ARHGAP15: variants seen among roughly 807,000 people sequenced by gnomAD.
ARHGAP15 encodes the protein Rho GTPase activating protein 15.
ARHGAP15 carries 51 observed loss-of-function variants against 63.7 expected under a neutral mutation model. The ratio of observed to expected loss-of-function variants is 0.80; its 90% confidence interval spans 0.64 to 1.01. ARHGAP15 has a LOEUF of 1.01. ARHGAP15 is among the 50% of genes least tolerant of loss of function. ARHGAP15 has a pLI of 0.00. For synonymous variants in ARHGAP15, 191 were observed against 193.8 expected, an observed-to-expected ratio of 0.99 and a Z score of 0.12; for missense variants, 560 against 564.6, an observed-to-expected ratio of 0.99 and a Z score of 0.08.
At chr2:143,606,662 T>C (rs1454583184) in intron 11 of ARHGAP15, 1 of 152,206 alleles carries the variant, frequency 6.6e-6, no homozygotes, top group Non-Finnish European at 1.5e-5. Context: ...CATGCAACCA[T>C]AAAGCCTGTG....
At chr2:143,416,263 A>G (rs953214832) in intron 6 of ARHGAP15, among the ~76,000 whole-genome samples, 1 of 152,070 alleles carries the variant, frequency 6.6e-6, no homozygotes, top group Non-Finnish European at 1.5e-5. Flanking sequence ...TAAAAAAACA[A>G]AAACAAAGGG....
intron 6 of ARHGAP15, among the ~76,000 whole-genome samples, chr2:143,333,136 C>G (rs934291552): frequency 2.0e-5 from 3 of 152,086 alleles, no homozygotes; most frequent in Admixed American, 6.6e-5. Context: ...CTTGGGCAAT[C>G]CTTTGTGAAT....
chr2:143,335,725 A>C (rs1223677665), intron 6 of ARHGAP15, among the ~76,000 whole-genome samples: 2 of 152,166 alleles, frequency 1.3e-5, no homozygotes, highest in African/African-American at 4.8e-5. Flanking sequence ...TCAGTGTTTT[A>C]AGCTGTCAGA....
intron 8 of ARHGAP15, among the ~76,000 whole-genome samples, chr2:143,464,331 A>G (rs2105168022): frequency 6.6e-6 from 1 of 152,322 alleles, no homozygotes; most frequent in South Asian, 2.1e-4. Flanking sequence ...TAAAGTAGAT[A>G]TAACTTGATA....
intron 6 of ARHGAP15, among the ~76,000 whole-genome samples, chr2:143,306,780 T>C (rs1051003611): frequency 6.6e-6 from 1 of 152,122 alleles, no homozygotes; most frequent in African/African-American, 2.4e-5. Flanking sequence ...CTCTCACTTT[T>C]TCCATCCCTT....
chr2:143,261,505 ATTT>A (rs35112145), intron 6 of ARHGAP15, among the ~76,000 whole-genome samples: 1 of 141,992 alleles, frequency 7.0e-6, no homozygotes, highest in East Asian at 2.1e-4. Flanking sequence ...CACCCGGCTA[ATTT>A]TTTTTTTTTT....
intron 6 of ARHGAP15, among the ~76,000 whole-genome samples, chr2:143,284,364 T>A (rs947684832): frequency 6.6e-6 from 1 of 152,220 alleles, no homozygotes; most frequent in Admixed American, 6.5e-5. Context: ...AATTTTATAG[T>A]GAAATTTATC....
intron 11 of ARHGAP15, among the ~76,000 whole-genome samples, chr2:143,590,433 T>C (rs548205847): frequency 7.2e-5 from 11 of 152,188 alleles, no homozygotes; most frequent in African/African-American, 2.7e-4. Context: ...GACGCCATGA[T>C]AGGAGTTTAA....
intron 11 of ARHGAP15, among the ~76,000 whole-genome samples, chr2:143,573,559 GTTGT>G (rs926028358): frequency 1.5e-3 from 232 of 152,290 alleles, no homozygotes; most frequent in African/African-American, 5.3e-3. Context: ...TGTCTGTGCA[GTTGT>G]TTAACAAGGA....
At chr2:143,579,345 T>C (rs1253662829) in intron 11 of ARHGAP15, among the ~76,000 whole-genome samples, 2 of 152,190 alleles carry the variant, frequency 1.3e-5, no homozygotes, top group Non-Finnish European at 2.9e-5. Context: ...GGAGAACACT[T>C]GTAGCTGGCT....
chr2:143,277,970 A>G (rs940853572), intron 6 of ARHGAP15, among the ~76,000 whole-genome samples: 1 of 152,174 alleles, frequency 6.6e-6, no homozygotes, highest in South Asian at 2.1e-4. Flanking sequence ...CTGAGACTCT[A>G]GCAGAAGTAA....
intron 6 of ARHGAP15, among the ~76,000 whole-genome samples, chr2:143,253,083 G>C (rs1680236449): frequency 6.6e-6 from 1 of 152,014 alleles, no homozygotes; most frequent in African/African-American, 2.4e-5. Flanking sequence ...TTTGAATTAG[G>C]CTTGGTGTTC....
intron 2 of ARHGAP15, among the ~76,000 whole-genome samples, chr2:143,193,037 A>C (rs930125430): frequency 6.6e-6 from 1 of 152,112 alleles, no homozygotes; most frequent in South Asian, 2.1e-4. Context: ...CTTTCATCTT[A>C]CTGTTGGTGG....
At chr2:143,765,146 T>TGTGTGTGTGTGTGTGTGTGG (rs1491030307) in intron 13 of ARHGAP15, among the ~76,000 whole-genome samples, 1 of 147,194 alleles carries the variant, frequency 6.8e-6, no homozygotes, top group African/African-American at 2.5e-5. Context: ...TGTGTGTGTG[T>TGTGTGTGTGTGTGTGTGTGG]GGTAAAATTA....
intron 6 of ARHGAP15, among the ~76,000 whole-genome samples, chr2:143,356,581 A>G (rs1685818980): frequency 6.6e-6 from 1 of 152,028 alleles, no homozygotes; most frequent in Non-Finnish European, 1.5e-5. Context: ...GATTAAAGGG[A>G]TTTTCTTTGA....
At chr2:143,501,440 G>A (rs894752542) in intron 9 of ARHGAP15, among the ~76,000 whole-genome samples, 2 of 152,156 alleles carry the variant, frequency 1.3e-5, no homozygotes, top group African/African-American at 4.8e-5. Context: ...AAATAATATC[G>A]AAAGAGGAAG....
chr2:143,468,477 A>G (rs775049922), intron 8 of ARHGAP15, among the ~76,000 whole-genome samples: 9 of 152,122 alleles, frequency 5.9e-5, no homozygotes, highest in Non-Finnish European at 1.2e-4. Context: ...TTAGAAATGG[A>G]TATTGATTAT....
intron 6 of ARHGAP15, among the ~76,000 whole-genome samples, chr2:143,349,345 A>G (rs1685455672): frequency 6.6e-6 from 1 of 152,200 alleles, no homozygotes; most frequent in Non-Finnish European, 1.5e-5. Flanking sequence ...CACTGTCTCC[A>G]AGAAGTCTTC....
chr2:143,436,533 A>G (rs1689620148), intron 7 of ARHGAP15, among the ~76,000 whole-genome samples: 1 of 152,180 alleles, frequency 6.6e-6, no homozygotes, highest in Admixed American at 6.6e-5. Context: ...GCCATTGAGG[A>G]TGGACTCTGG....
Sources: allele counts gnomAD v4.1 joint callset (sites outside exome capture counted in the v4.1 genomes callset), GRCh38; gene constraint gnomAD v4.1.1; transcripts MANE v1.5; gene names NCBI Gene and HGNC (gene_info 2026-07-23, HGNC 2026-07-21).